Variants in POLI observed in about 807,000 individuals in gnomAD.
POLI encodes the protein DNA polymerase iota.
In POLI, 58 loss-of-function variants were observed where a neutral mutation model predicts 51.6. The ratio of observed to expected loss-of-function variants is 1.12; its 90% CI spans 0.91 to 1.40. The LOEUF (loss-of-function observed/expected upper bound fraction) is 1.40, where lower values mean the gene tolerates loss of function less well. Ranked by LOEUF, POLI falls within the 40% of genes most tolerant of loss-of-function variation. The pLI is 0.00. For synonymous variants in POLI, 322 were observed against 299.7 expected, an observed-to-expected ratio of 1.07 and a Z score of -0.77; for missense variants, 921 against 871.3, an observed-to-expected ratio of 1.06 and a Z score of -0.72.
chr18:54,294,230 G>A lies in POLI; in HGVS notation c.1986G>A (p.Leu662=), dbSNP rs774014683. The change falls in exon 10 of 10, where the codon TTG becomes TTA. Residue 662 remains leucine, a synonymous_variant. Transcript: ENST00000579534. ...CTGCTTTTCATTCATTTCCAAACTT[G>A]CAGAGTGAGCAACTTTTCTCCAGAA... The part of the protein sequence containing the change: ...AVSAFHSFPN[L]QSEQLFSRNH... The A allele has an allele frequency of 2.0e-5, 32 of 1,613,522 alleles. No homozygotes were observed. The highest frequency in any genetic ancestry group is 2.7e-5 in the Non-Finnish European group (32 of 1,179,698).
At position 54,293,668 on chromosome 18, in the gene POLI, T is replaced by C. The variant is rs2144595970; in HGVS notation, c.1424T>C (p.Met475Thr). 2.5e-6 allele frequency: 4 copies of C among 1,577,504 alleles called. No homozygotes were observed. Among genetic ancestry groups the C allele is most frequent in the Non-Finnish European group, 3.4e-6 (4 of 1,164,860 alleles). ...TTCTAGAAAATGAAAGACACTCATA[T>C]GGAAGATTTTCCCAAAGACAAAGAA... ...KHSFKMKDTH[M>T]EDFPKDKETN... The change falls in exon 10 of 10, where the codon ATG (methionine) becomes ACG (threonine). Residue 475 changes from methionine to threonine, a missense_variant. By Grantham distance (81) the Met-to-Thr change is moderately conservative. Coordinates refer to ENST00000579534, the MANE Select transcript of POLI (RefSeq NM_007195.3).
intron 3 of POLI, among the ~76,000 whole-genome samples, chr18:54,313,423 G>T (rs1480700633): frequency 1.3e-5 from 2 of 152,080 alleles, no homozygotes; most frequent in African/African-American, 4.8e-5. Flanking sequence ...GCTTAGGATT[G>T]CTTTGGCTAT....
intron 6 of POLI, among the ~76,000 whole-genome samples, chr18:54,283,544 G>T (rs1036701086): frequency 6.6e-6 from 1 of 151,802 alleles, no homozygotes; most frequent in East Asian, 1.9e-4. Context: ...TGAGGATACC[G>T]TACTTTAGAA....
intron 1 of POLI, chr18:54,269,983 G>A (rs989348551): frequency 2.8e-5 from 31 of 1,099,176 alleles, no homozygotes; most frequent in Non-Finnish European, 2.8e-5. Context: ...AGGCTTCTGG[G>A]CCTTTTAACT....
At position 54,296,367 on chromosome 18, in the gene POLI, G is replaced by A; in HGVS notation, c.*1900G>A. 1 of 985,156 alleles carries A rather than the reference G, an allele frequency of 1.0e-6. No homozygotes were observed. Among genetic ancestry groups the A allele is most frequent in the Non-Finnish European group, 1.2e-6 (1 of 829,702 alleles). The allele number at this position is 985,156 out of a possible 1,614,324, so 61.0% of individuals were successfully genotyped here. A position where few individuals can be genotyped will look rare whatever the true frequency, so the allele number is the denominator to read the frequency against. On this transcript the variant is annotated 3_prime_UTR_variant, in exon 10 of 10. Coordinates refer to ENST00000579534, the MANE Select transcript of POLI (RefSeq NM_007195.3). Reference sequence around the variant, plus strand: ...CTACTTATTTTGTGGTTTTAAGTTAGTCTCAACATCTTTGGGCCTCAGAAT... The same window carrying A: ...CTACTTATTTTGTGGTTTTAAGTTAATCTCAACATCTTTGGGCCTCAGAAT...
At chr18:54,283,411 C>G (rs931784556) in intron 6 of POLI, among the ~76,000 whole-genome samples, 3 of 152,120 alleles carry the variant, frequency 2.0e-5, no homozygotes, top group African/African-American at 7.2e-5. Flanking sequence ...TTACTGAGTG[C>G]TTTAAATATG....
At chr18:54,292,715 A>G (rs181050723) in intron 9 of POLI, among the ~76,000 whole-genome samples, 2 of 152,274 alleles carry the variant, frequency 1.3e-5, no homozygotes, top group Non-Finnish European at 2.9e-5. Flanking sequence ...GTATAATTTT[A>G]GTAACCTTTT....
chr18:54,276,468 T>TG (rs1460514509), intron 3 of POLI, among the ~76,000 whole-genome samples: 1 of 152,284 alleles, frequency 6.6e-6, no homozygotes, highest in Non-Finnish European at 1.5e-5. Flanking sequence ...TGCATGATTC[T>TG]GTATTTAACT....
At chr18:54,318,472 G>A (rs2088760041) in intron 3 of POLI, among the ~76,000 whole-genome samples, 1 of 151,722 alleles carries the variant, frequency 6.6e-6, no homozygotes, top group South Asian at 2.1e-4. Context: ...TTTTTTGCTA[G>A]CTTATGAGAT....
chr18:54,275,163 G>C (rs1568119777), intron 3 of POLI: 2 of 152,164 alleles, frequency 1.3e-5, no homozygotes, highest in Non-Finnish European at 2.9e-5. Context: ...TTATCAAATA[G>C]AAATAAAATC....
intron 7 of POLI, 26 bp from the exon 8 acceptor site, chr18:54,287,255 T>G: frequency 6.7e-7 from 1 of 1,489,664 alleles, no homozygotes; most frequent in Non-Finnish European, 9.2e-7. Context: ...TCTAATTCCT[T>G]ATTTCCACTT....
At chr18:54,310,507 A>G (rs1056732015) in intron 3 of POLI, among the ~76,000 whole-genome samples, 2 of 151,782 alleles carry the variant, frequency 1.3e-5, no homozygotes, top group African/African-American at 4.8e-5. Flanking sequence ...TCTGGGAGAA[A>G]GGTATGCTCT....
chr18:54,315,185 A>AT (rs1404336839), intron 3 of POLI, among the ~76,000 whole-genome samples: 4 of 152,070 alleles, frequency 2.6e-5, no homozygotes, highest in Admixed American at 2.6e-4. Context: ...AATTTCAAAG[A>AT]TTTTTGGATA....
chr18:54,284,315 T>C (rs556634272), intron 7 of POLI, among the ~76,000 whole-genome samples: 6 of 152,360 alleles, frequency 3.9e-5, no homozygotes, highest in African/African-American at 1.2e-4. Context: ...TCTAGACTTA[T>C]TCTGGTCTTC....
intron 3 of POLI, among the ~76,000 whole-genome samples, chr18:54,316,068 A>C (rs1349592518): frequency 6.6e-6 from 1 of 152,048 alleles, no homozygotes; most frequent in African/African-American, 2.4e-5. Flanking sequence ...GGCATGTACC[A>C]CCATGCCTGG....
intron 5 of POLI, among the ~76,000 whole-genome samples, chr18:54,281,989 C>T (rs748728559): frequency 1.3e-5 from 2 of 151,840 alleles, no homozygotes; most frequent in East Asian, 1.9e-4. Context: ...AAAGTATGAC[C>T]GAATTTTAGT....
rs489292 is a variant in POLI at position 54,279,925 on chromosome 18, C to T, written c.560-742C>T. On this transcript the variant is annotated intron_variant, in intron 4 of 9. Coordinates refer to ENST00000579534, the MANE Select transcript of POLI (RefSeq NM_007195.3). Reference sequence around the variant, plus strand: ...ATAATAATACTTCTATGCCTACTTACGGGTAAATATGAGTAAAAGTTTTGC... The same window carrying T: ...ATAATAATACTTCTATGCCTACTTATGGGTAAATATGAGTAAAAGTTTTGC... 7.4e-3 allele frequency among the ~76,000 whole-genome samples: 1,125 copies of T among 152,208 alleles called. 19 individuals carry two copies. The highest frequency in any genetic ancestry group is 0.025 in the African/African-American group (1,051 of 41,522).
chr18:54,299,646 G>A (rs1395178200), downstream of POLI, among the ~76,000 whole-genome samples: 1 of 152,126 alleles, frequency 6.6e-6, no homozygotes, highest in East Asian at 1.9e-4. Context: ...CTTCAGGCAG[G>A]CTAATACATG....
rs1425163494 is a variant in POLI at position 54,280,861 on chromosome 18, C to A, written c.754C>A (p.Gln252Lys). The A allele has an allele frequency of 1.9e-6, 3 of 1,611,250 alleles. No homozygotes were observed. Among genetic ancestry groups the A allele is most frequent in the East Asian group, 2.2e-5 (1 of 44,888 alleles). ...QQTVLLPESC[Q>K]HLIHSLNHIK... ...AACAGTCTTATTACCTGAAAGTTGT[C>A]AACATCTTATTCATAGTTTGAATCA... Residue 252 changes from glutamine to lysine, a missense_variant, in exon 5 of 10, where the codon CAA becomes AAA. By Grantham distance (53) the Gln-to-Lys change is moderately conservative (BLOSUM62 1). Coordinates refer to ENST00000579534, the MANE Select transcript of POLI (RefSeq NM_007195.3).
Sources: allele counts gnomAD v4.1 joint callset (sites outside exome capture counted in the v4.1 genomes callset), GRCh38; gene constraint gnomAD v4.1.1; transcripts MANE v1.5; gene names NCBI Gene and HGNC (gene_info 2026-07-23, HGNC 2026-07-21).